CDX1: variants seen among roughly 807,000 people sequenced by gnomAD.
CDX1 encodes the protein caudal type homeobox 1.
CDX1 carries 9 observed loss-of-function variants against 16.9 expected under a neutral mutation model. That is an observed-to-expected ratio of 0.53 (90% CI 0.32 to 0.93). CDX1 has a LOEUF of 0.93. Ranked by LOEUF, CDX1 falls within the 40% of genes least tolerant of loss-of-function variation. The probability of loss-of-function intolerance (pLI) is 0.04; values close to 1 mark genes in which losing one functional copy is unlikely to be tolerated. For synonymous variants in CDX1, 179 were observed against 179.0 expected (o/e 1.00, Z 0.00); for missense variants, 393 against 386.1 (o/e 1.02, Z -0.15).
chr5:150,167,400 C>G, intron 1 of CDX1, 79 bp downstream of exon 1: 2 of 1,027,620 alleles, frequency 1.9e-6, no homozygotes, highest in Non-Finnish European at 2.5e-6. Flanking sequence ...TGTCTGACCT[C>G]TGCTCCGGCC....
At position 150,183,560 on chromosome 5, in the gene CDX1, G is replaced by T. The variant is rs775819953; in HGVS notation, c.678G>T (p.Pro226=). Residue 226 remains proline, a synonymous_variant, in exon 3 of 3, where the codon CCG becomes CCT. Transcript: ENST00000231656. ...AGCAGCAACAGCCCCCACAGCCGCC[G>T]ATGGCCCACGACATCACGGCCACCC... is the stretch of plus-strand genomic sequence containing the variant. ...KQQQQQPPQP[P]MAHDITATPA... 6.2e-7 allele frequency: 1 copy of T among 1,612,410 alleles called. No homozygotes were observed. The highest frequency in any genetic ancestry group is 8.5e-7 in the Non-Finnish European group (1 of 1,178,866).
At chr5:150,173,343 C>G (rs968945788) in intron 1 of CDX1, among the ~76,000 whole-genome samples, 3 of 152,226 alleles carry the variant, frequency 2.0e-5, no homozygotes, top group Non-Finnish European at 2.9e-5. Flanking sequence ...GAGCTGCCCT[C>G]TCTGCCCTCA....
At position 150,166,895 on chromosome 5, in the gene CDX1, C is replaced by A; in HGVS notation, c.19C>A (p.Leu7Met). 2 of 1,520,332 alleles carry A rather than the reference C, an allele frequency of 1.3e-6. No homozygotes were observed. Among genetic ancestry groups the A allele is most frequent in the South Asian group, 1.3e-5 (1 of 79,918 alleles). 94.2% of individuals were successfully genotyped at this position (1,520,332 alleles called of 1,614,324 possible). The change falls in exon 1 of 3, where the codon CTG becomes ATG. Residue 7 changes from leucine (L) to methionine (M), a missense_variant. Physicochemically the swap from Leu to Met is conservative, Grantham distance 15. Transcript: ENST00000231656. ...GGCCACCATGTATGTGGGCTATGTG[C>A]TGGACAAGGATTCGCCCGTGTACCC... is the stretch of plus-strand genomic sequence containing the variant. MYVGYV[L>M]DKDSPVYPGP...
chr5:150,166,889 T>C lies in CDX1; in HGVS notation c.13T>C (p.Tyr5His). 2 of 1,514,110 alleles carry C rather than the reference T, an allele frequency of 1.3e-6. No homozygotes were observed. The highest frequency in any genetic ancestry group is 1.8e-6 in the Non-Finnish European group (2 of 1,136,706). The allele number at this position is 1,514,110 out of a possible 1,614,324, so 93.8% of individuals were successfully genotyped here. A position where few individuals can be genotyped will look rare whatever the true frequency, so the allele number is the denominator to read the frequency against. Residue 5 changes from tyrosine to histidine, a missense_variant, in exon 1 of 3, where the codon TAT (tyrosine) becomes CAT (histidine). Transcript: ENST00000231656. The stretch of plus-strand genomic sequence containing the variant: ...CCCCGCGGCCACCATGTATGTGGGC[T>C]ATGTGCTGGACAAGGATTCGCCCGT... MYVG[Y>H]VLDKDSPVYP... is the part of the protein sequence containing the mutation.
rs780477525 is a variant in CDX1, at chr5:150,178,076, G to A, written c.446-4692G>A. Among the ~76,000 whole-genome samples the A allele has an allele frequency of 4.6e-5, 7 of 152,268 alleles. No homozygotes were observed. In the South Asian group the frequency reaches 6.2e-4, roughly 14 times the overall value. On this transcript the variant is annotated intron_variant, in intron 1 of 2. Coordinates refer to ENST00000231656, the MANE Select transcript of CDX1 (RefSeq NM_001804.3). Reference sequence around the variant, plus strand: ...ACCAAATTTTGAGACCCATTCTAGCGCCACTAAATTTGAATTTCTGGGGCC... The same window carrying A: ...ACCAAATTTTGAGACCCATTCTAGCACCACTAAATTTGAATTTCTGGGGCC...
At chr5:150,171,853 G>A (rs1761511680) in intron 1 of CDX1, among the ~76,000 whole-genome samples, 1 of 152,218 alleles carries the variant, frequency 6.6e-6, no homozygotes, top group Non-Finnish European at 1.5e-5. Flanking sequence ...ATTTCTCGGA[G>A]CCTGGGCTGC....
chr5:150,175,650 C>T (rs763082820), intron 1 of CDX1, among the ~76,000 whole-genome samples: 2 of 152,198 alleles, frequency 1.3e-5, no homozygotes, highest in African/African-American at 2.4e-5. Flanking sequence ...GTGGGTCAGG[C>T]AGAAAGCCTG....
intron 1 of CDX1, among the ~76,000 whole-genome samples, chr5:150,172,042 C>T (rs996625069): frequency 6.6e-6 from 1 of 152,224 alleles, no homozygotes; most frequent in Non-Finnish European, 1.5e-5. Flanking sequence ...AGTCTGGTCC[C>T]TCGGCCTGCA....
chr5:150,175,564 C>T (rs1346526264), intron 1 of CDX1, among the ~76,000 whole-genome samples: 2 of 152,222 alleles, frequency 1.3e-5, no homozygotes, highest in African/African-American at 4.8e-5. Context: ...AGCTTCATCC[C>T]TGCTCAGGGC....
intron 1 of CDX1, among the ~76,000 whole-genome samples, chr5:150,170,446 G>A (rs1761489618): frequency 6.6e-6 from 1 of 152,240 alleles, no homozygotes; most frequent in Non-Finnish European, 1.5e-5. Flanking sequence ...ATGGCATTTA[G>A]TAGGTGCTCA....
intron 1 of CDX1, among the ~76,000 whole-genome samples, chr5:150,170,545 C>A (rs1761490712): frequency 6.6e-6 from 1 of 152,184 alleles, no homozygotes; most frequent in African/African-American, 2.4e-5. Context: ...TCTTGGCTTT[C>A]ACACAGGTTT....
At chr5:150,174,381 G>A (rs944669000) in intron 1 of CDX1, among the ~76,000 whole-genome samples, 17 of 152,370 alleles carry the variant, frequency 1.1e-4, no homozygotes, top group African/African-American at 3.6e-4. Flanking sequence ...GCTGTCTTGG[G>A]CTCAGGGTGC....
At chr5:150,176,243 G>A (rs1245375853) in intron 1 of CDX1, among the ~76,000 whole-genome samples, 1 of 152,206 alleles carries the variant, frequency 6.6e-6, no homozygotes, top group Non-Finnish European at 1.5e-5. Context: ...GTCCTCCTGA[G>A]CCCCTCTTTC....
rs533536741 is a variant in CDX1 at position 150,173,864 on chromosome 5, G to A, written c.445+6543G>A. On this transcript the variant is annotated intron_variant, in intron 1 of 2. Coordinates refer to ENST00000231656, the MANE Select transcript of CDX1 (RefSeq NM_001804.3). Reference sequence around the variant, plus strand: ...AGCCACCAGCTGCTGGAGTGGACTTGGGGAGCAAGGGAGACAGGACTGAGA... The same window carrying A: ...AGCCACCAGCTGCTGGAGTGGACTTAGGGAGCAAGGGAGACAGGACTGAGA... Among the ~76,000 whole-genome samples, 4 of 152,280 alleles carry A rather than the reference G, an allele frequency of 2.6e-5. No homozygotes were observed. In the South Asian group the frequency reaches 8.3e-4, roughly 32 times the overall value.
intron 1 of CDX1, among the ~76,000 whole-genome samples, chr5:150,171,053 C>CT (rs1761499078): frequency 6.6e-6 from 1 of 152,076 alleles, no homozygotes; most frequent in Non-Finnish European, 1.5e-5. Context: ...GTGGATGAGA[C>CT]TGTGGGAGCA....
chr5:150,166,983 C>A lies in CDX1; in HGVS notation c.107C>A (p.Pro36His). 1 of 1,446,788 alleles carries A rather than the reference C, an allele frequency of 6.9e-7. No homozygotes were observed. The highest frequency in any genetic ancestry group is 1.5e-5 in the African/African-American group (1 of 67,190). The allele number at this position is 1,446,788 out of a possible 1,614,324, so 89.6% of individuals were successfully genotyped here. Residue 36 changes from proline (P) to histidine (H), a missense_variant, in exon 1 of 3, where the codon CCC (proline) becomes CAC (histidine). Coordinates refer to ENST00000231656, the MANE Select transcript of CDX1 (RefSeq NM_001804.3). ...GPQAYGPPAP[P>H]PAPPQYPDFS... ...CAAGCCTACGGCCCCCCGGCCCCGC[C>A]CCCGGCGCCCCCGCAGTACCCCGAC... is the stretch of plus-strand genomic sequence containing the variant.
intron 1 of CDX1, among the ~76,000 whole-genome samples, chr5:150,180,785 A>C (rs1457575263): frequency 6.6e-6 from 1 of 152,110 alleles, no homozygotes; most frequent in African/African-American, 2.4e-5. Flanking sequence ...ACACAAGCCC[A>C]GGCCAAGCAT....
At chr5:150,172,877 G>C (rs1349415106) in intron 1 of CDX1, among the ~76,000 whole-genome samples, 1 of 152,186 alleles carries the variant, frequency 6.6e-6, no homozygotes, top group African/African-American at 2.4e-5. Flanking sequence ...GTCCAAAATG[G>C]TTTGTTAGCA....
intron 1 of CDX1, among the ~76,000 whole-genome samples, chr5:150,181,673 C>T (rs532100241): frequency 6.6e-5 from 10 of 152,214 alleles, no homozygotes; most frequent in Non-Finnish European, 1.3e-4. Flanking sequence ...AATCACAGAC[C>T]ACCTCCTCCC....
Sources: gnomAD v4.1 joint callset for allele counts (sites outside exome capture counted in the v4.1 genomes callset) on GRCh38, gnomAD v4.1.1 for gene constraint, MANE v1.5 for transcripts, NCBI Gene and HGNC (gene_info 2026-07-23, HGNC 2026-07-21) for gene names.